Variants in TRPV3 observed in about 807,000 individuals in gnomAD.
The protein encoded by TRPV3 is VRL-3.
A neutral mutation model predicts 87.1 loss-of-function variants in TRPV3; 88 were observed. The ratio of observed to expected loss-of-function variants is 1.01; its 90% CI spans 0.85 to 1.21. TRPV3 has a LOEUF of 1.21. Ranked by LOEUF, TRPV3 falls within the 50% of genes most tolerant of loss-of-function variation. The pLI is 0.00. For synonymous variants in TRPV3, 438 were observed against 423.3 expected (o/e 1.03, Z -0.43); for missense variants, 1,054 against 1,030.1 (o/e 1.02, Z -0.32).
At chr17:3,544,485 A>C in intron 4 of TRPV3, 94 bp downstream of exon 4, 3 of 746,502 alleles carry the variant, frequency 4.0e-6, no homozygotes, top group South Asian at 1.8e-5. Context: ...GGAATGGTGG[A>C]TTCTTTCTCC....
At chr17:3,523,275 A>G (rs2074263469) in intron 13 of TRPV3, among the ~76,000 whole-genome samples, 1 of 152,236 alleles carries the variant, frequency 6.6e-6, no homozygotes, top group South Asian at 2.1e-4. Flanking sequence ...TGCTCACATC[A>G]TTGATAAACA....
rs2074360465 is a variant in TRPV3, at chr17:3,532,756, G to A, written c.966C>T (p.Asp322=). The change falls in exon 8 of 18, where the codon GAC becomes GAT. Residue 322 remains aspartate, a synonymous_variant. Transcript: ENST00000576742. ...TQNDFVKRMY[D]MILLRSGNWE... ...AGTTGCCACTCCGCAGTAGGATCAT[G>A]TCGTACATGCGCTTCACAAAGTCAT... The A allele has an allele frequency of 1.2e-6, 2 of 1,614,158 alleles. No homozygotes were observed. Among genetic ancestry groups the A allele is most frequent in the African/African-American group, 1.3e-5 (1 of 74,954 alleles).
In TRPV3 at chr17:3,543,740, A is replaced by G. The variant is rs561778327; in HGVS notation, c.312-112T>C. 34 of 1,411,030 alleles carry G rather than the reference A, an allele frequency of 2.4e-5. No homozygotes were observed. In the South Asian group the frequency reaches 2.6e-4, roughly 11 times the overall value. The allele number at this position is 1,411,030 out of a possible 1,614,324, so 87.4% of individuals were successfully genotyped here. A position where few individuals can be genotyped will look rare whatever the true frequency, so the allele number is the denominator to read the frequency against. On this transcript the variant is annotated intron_variant, in intron 4 of 17. Transcript: ENST00000576742. ...GCTGCAGCTGCCGCCAACATCTCCC[A>G]TGCCTGTCACAATGCCTGCAAACTC... is the stretch of plus-strand genomic sequence containing the variant.
intron 14 of TRPV3, among the ~76,000 whole-genome samples, chr17:3,519,764 AGATG>A (rs138638388): frequency 1.1e-5 from 1 of 93,014 alleles, no homozygotes; most frequent in Non-Finnish European, 2.2e-5. Flanking sequence ...ATGAATGATT[AGATG>A]GATGGATGGA....
chr17:3,514,055 C>A lies in TRPV3; in HGVS notation c.2279-44G>T, dbSNP rs534118426. Reference sequence around the variant, plus strand: ...TATATTTTAGAAATATATCACTCTGCATAGTGTGTTTCTTTTTTCTTTTTC... The same window carrying A: ...TATATTTTAGAAATATATCACTCTGAATAGTGTGTTTCTTTTTTCTTTTTC... On this transcript the variant is annotated intron_variant, in intron 17 of 17. Coordinates refer to ENST00000576742, the MANE Select transcript of TRPV3 (RefSeq NM_145068.4). 4.3e-5 allele frequency: 62 copies of A among 1,445,582 alleles called. No individual in the cohort carries two copies. The East Asian group carries it at 1.4e-3, about 33-fold the overall frequency. 89.5% of individuals were successfully genotyped at this position (1,445,582 alleles called of 1,614,324 possible).
In TRPV3 at chr17:3,554,837, G is replaced by C; in HGVS notation, c.14C>G (p.Pro5Arg). The C allele has an allele frequency of 6.2e-7, 1 of 1,611,000 alleles. No individual in the cohort carries two copies. The highest frequency in any genetic ancestry group is 2.2e-5 in the East Asian group (1 of 44,816). MKAHPKEMVPLMGKR... is the reference protein window; with the variant it reads MKAHRKEMVPLMGKR... ...GCCCATGAGAGGCACCATCTCCTTGGGGTGGGCTTTCATGGCTGGAATACA... is the reference window on the plus strand; with the variant it reads ...GCCCATGAGAGGCACCATCTCCTTGCGGTGGGCTTTCATGGCTGGAATACA... The change falls in exon 2 of 18, where the codon CCC becomes CGC. Residue 5 changes from proline (P) to arginine (R), a missense_variant. By Grantham distance (103) the Pro-to-Arg change is moderately radical (BLOSUM62 -2). Coordinates refer to ENST00000576742, the MANE Select transcript of TRPV3 (RefSeq NM_145068.4).
Position 3,518,515 on chromosome 17 carries a change from G to T in TRPV3, c.2085+61C>A, listed in dbSNP as rs1597466240. The T allele has an allele frequency of 6.7e-7, 1 of 1,493,646 alleles. No individual in the cohort carries two copies. The allele number at this position is 1,493,646 out of a possible 1,614,324, so 92.5% of individuals were successfully genotyped here. On this transcript the variant is annotated intron_variant, in intron 15 of 17. Transcript: ENST00000576742. The surrounding 1 kb of genome is among the most constrained non-coding windows in gnomAD (Gnocchi z 4.3). ...CCCACTGGTGCTGACAGTAGTCAAT[G>T]ACCACGTGCTGAACTGAGTCCCGTG...
At chr17:3,550,924 A>G (rs1012649696) in intron 2 of TRPV3, among the ~76,000 whole-genome samples, 2 of 152,220 alleles carry the variant, frequency 1.3e-5, no homozygotes, top group Non-Finnish European at 2.9e-5. Flanking sequence ...TGAACCTTCC[A>G]GGGACTCCAT....
At chr17:3,546,229 G>A (rs1016557459) in intron 2 of TRPV3, among the ~76,000 whole-genome samples, 4 of 152,054 alleles carry the variant, frequency 2.6e-5, no homozygotes, top group African/African-American at 9.7e-5. Context: ...ATCATCTGAG[G>A]TCGGGAGTTC....
rs557956838 is a variant in TRPV3, at chr17:3,525,167, C to G, written c.1578-804G>C. Among the ~76,000 whole-genome samples the G allele has an allele frequency of 9.6e-4, 124 of 128,890 alleles. 1 individual carries two copies. Among genetic ancestry groups the G allele is most frequent in the Admixed American group, 6.1e-3 (68 of 11,118 alleles). The allele number at this position is 128,890 out of a possible 152,430, so 84.6% of individuals were successfully genotyped here. ...CCCTAGTAGCTGGGATTACAGGCAC[C>G]CGCCACCACACCAGGCTCATTTTTG... On this transcript the variant is annotated intron_variant, in intron 12 of 17. Transcript: ENST00000576742.
At position 3,518,602 on chromosome 17, in the gene TRPV3, C is replaced by A; in HGVS notation, c.2059G>T (p.Glu687Ter). The change falls in exon 15 of 18, where the codon GAG becomes TAG. Residue 687 changes from glutamate (E) to a stop codon, truncating the protein, a stop_gained. Transcript: ENST00000576742. LOFTEE classifies it high-confidence loss of function. The surrounding 1 kb of genome is among the most constrained non-coding windows in gnomAD (Gnocchi z 4.3). The stretch of plus-strand genomic sequence containing the variant: ...TGCAGGCGCCAGATGCGTTCGCTCT[C>A]CTTGGAGACGTTCTCCACAGTCTCG... Reference protein sequence around the residue: ...MGETVENVSKESERIWRLQRA... With the variant: ...MGETVENVSK 1 of 1,564,462 alleles carries A rather than the reference C, an allele frequency of 6.4e-7. No homozygotes were observed. Among genetic ancestry groups the A allele is most frequent in the Non-Finnish European group, 8.7e-7 (1 of 1,153,246 alleles).
At chr17:3,555,052 C>A (rs1290484958) in intron 1 of TRPV3, among the ~76,000 whole-genome samples, 200 bp from the exon 2 acceptor site, 1 of 152,226 alleles carries the variant, frequency 6.6e-6, no homozygotes, top group Non-Finnish European at 1.5e-5. Flanking sequence ...CCTGCTCTAG[C>A]ACCCCCAAAT....
chr17:3,524,893 G>T (rs1421936123), intron 12 of TRPV3, among the ~76,000 whole-genome samples: 1 of 151,918 alleles, frequency 6.6e-6, no homozygotes, highest in African/African-American at 2.4e-5. Context: ...AACTACTGGA[G>T]TAGACCAAAG....
chr17:3,536,388 A>G (rs2074409816), intron 6 of TRPV3, among the ~76,000 whole-genome samples: 1 of 152,216 alleles, frequency 6.6e-6, no homozygotes, highest in Admixed American at 6.5e-5. Flanking sequence ...CAGGAGTTCG[A>G]GAGCAGCCTG....
At chr17:3,516,683 C>A (rs759455415) in intron 15 of TRPV3, 114 bp from the exon 16 acceptor site, 9 of 758,080 alleles carry the variant, frequency 1.2e-5, no homozygotes, top group Non-Finnish European at 1.9e-5. Flanking sequence ...ATGCATAGAT[C>A]GCAAGGGTTT....
chr17:3,535,764 C>T (rs1245552975), intron 6 of TRPV3, 51 bp from the exon 7 acceptor site: 1 of 1,412,586 alleles, frequency 7.1e-7, no homozygotes, highest in African/African-American at 1.5e-5. Context: ...GCACAGGGGC[C>T]TCTTGCCCAC....
At chr17:3,549,502 C>A (rs2074553521) in intron 2 of TRPV3, among the ~76,000 whole-genome samples, 1 of 152,332 alleles carries the variant, frequency 6.6e-6, no homozygotes, top group South Asian at 2.1e-4. Flanking sequence ...CTGGTCCTAA[C>A]ACTCAGAAGA....
At position 3,532,758 on chromosome 17, in the gene TRPV3, C is replaced by T. The variant is rs769084592; in HGVS notation, c.964G>A (p.Asp322Asn). The change falls in exon 8 of 18, where the codon GAC becomes AAC. Residue 322 changes from aspartate to asparagine, a missense_variant. By Grantham distance (23) the Asp-to-Asn change is conservative (BLOSUM62 1). Transcript: ENST00000576742. ...TQNDFVKRMY[D>N]MILLRSGNWE... ...TTGCCACTCCGCAGTAGGATCATGT[C>T]GTACATGCGCTTCACAAAGTCATTC... The T allele has an allele frequency of 1.1e-5, 18 of 1,614,150 alleles. No homozygotes were observed. The highest frequency in any genetic ancestry group is 8.3e-5 in the Admixed American group (5 of 60,014).
At position 3,512,691 on chromosome 17, in the gene TRPV3, A is replaced by G. The variant is rs1002964894; in HGVS notation, c.*1226T>C. The G allele has an allele frequency of 6.6e-6, 1 of 152,270 alleles. No homozygotes were observed. Among genetic ancestry groups the G allele is most frequent in the East Asian group, 1.9e-4 (1 of 5,190 alleles). The allele number at this position is 152,270 out of a possible 1,614,324, so 9.4% of individuals were successfully genotyped here. A position where few individuals can be genotyped will look rare whatever the true frequency, so the allele number is the denominator to read the frequency against. On this transcript the variant is annotated 3_prime_UTR_variant, in exon 18 of 18. Transcript: ENST00000576742. ...TCTCCACTTCACCTCTGCCCCCCAGACTGACTCCGTGTCATTTCAGAAAGA... is the reference window on the plus strand; with the variant it reads ...TCTCCACTTCACCTCTGCCCCCCAGGCTGACTCCGTGTCATTTCAGAAAGA...
Sources: allele counts gnomAD v4.1 joint callset (sites outside exome capture counted in the v4.1 genomes callset), GRCh38; gene constraint gnomAD v4.1.1; non-coding constraint Gnocchi (gnomAD v3.1); transcripts MANE v1.5; gene names NCBI Gene and HGNC (gene_info 2026-07-23, HGNC 2026-07-21).